Variants in NBPF12 observed in about 807,000 individuals in gnomAD.
NBPF12 encodes the protein NBPF member 12.
A neutral mutation model predicts 146.4 loss-of-function variants in NBPF12; 115 were observed. The observed-to-expected ratio is 0.79, with a 90% confidence interval of 0.68 to 0.92. NBPF12 has a LOEUF of 0.92. NBPF12 is among the 40% of genes least tolerant of loss of function. The pLI is 0.00. For synonymous variants in NBPF12, 385 were observed against 508.9 expected (o/e 0.76, Z 3.28); for missense variants, 1,205 against 1,326.8 (o/e 0.91, Z 1.43).
At chr1:146,961,074 AG>A (rs1465074173) in intron 4 of NBPF12, among the ~76,000 whole-genome samples, 4 of 152,132 alleles carry the variant, frequency 2.6e-5, no homozygotes, top group African/African-American at 9.7e-5. Context: ...TGAACCCAGC[AG>A]GCAGGTGTTG....
At chr1:146,978,593 G>A (rs1308206521) in intron 18 of NBPF12, among the ~76,000 whole-genome samples, 1 of 151,888 alleles carries the variant, frequency 6.6e-6, no homozygotes, top group Non-Finnish European at 1.5e-5. Context: ...ATGTATAGAT[G>A]CCTCTAAACA....
At chr1:146,962,364 A>G (rs1655905274) in intron 5 of NBPF12, 101 bp downstream of exon 8, 1 of 990,040 alleles carries the variant, frequency 1.0e-6, no homozygotes, top group Non-Finnish European at 1.6e-6. Context: ...GGCCAGGGAA[A>G]GGGCAGAAAT....
intron 1 of NBPF12, among the ~76,000 whole-genome samples, chr1:146,942,803 C>G (rs1242117654): frequency 6.1e-5 from 9 of 147,830 alleles, no homozygotes; most frequent in Non-Finnish European, 1.2e-4. Flanking sequence ...TCCAAAGAAG[C>G]ATTAACTACG....
intron 23 of NBPF12, among the ~76,000 whole-genome samples, chr1:146,986,119 T>C (rs1450694252): frequency 2.0e-5 from 3 of 151,738 alleles, no homozygotes; most frequent in Non-Finnish European, 2.9e-5. Flanking sequence ...ACCCGGCCAA[T>C]TCGCTGAGCT....
intron 18 of NBPF12, among the ~76,000 whole-genome samples, chr1:146,978,603 A>T (rs1379090737): frequency 7.2e-5 from 11 of 152,048 alleles, no homozygotes; most frequent in African/African-American, 2.7e-4. Context: ...GCCTCTAAAC[A>T]TTTTATGTCC....
rs1262044102 is a variant in NBPF12, at chr1:146,939,398, C to T, written c.-822+416C>T. Among the ~76,000 whole-genome samples, 40 of 152,098 alleles carry T rather than the reference C, an allele frequency of 2.6e-4. No individual in the cohort carries two copies. In the South Asian group the frequency reaches 6.9e-3, roughly 26 times the overall value. On this transcript the variant is annotated intron_variant, in intron 1 of 35. Coordinates refer to the NBPF12 transcript ENST00000617931. ...CAAAGTTGGGGTCTTTATTGGCCTC[C>T]GGGATTCTGCTCCTGGCGGTGTCTC...
intron 10 of NBPF12, 66 bp downstream of exon 13, chr1:146,968,616 G>A (rs1398368930): frequency 2.2e-5 from 32 of 1,472,376 alleles, no homozygotes; most frequent in Middle Eastern, 2.4e-4. Context: ...CAACAGCTCG[G>A]TGGGGAGACT....
At chr1:146,991,447 G>A (rs1381292130) in intron 30 of NBPF12, among the ~76,000 whole-genome samples, 162 bp downstream of exon 33, 3 of 151,940 alleles carry the variant, frequency 2.0e-5, no homozygotes, top group Admixed American at 6.6e-5. Flanking sequence ...TCAGCTGGAA[G>A]CCTAGACATG....
intron 14 of NBPF12, among the ~76,000 whole-genome samples, chr1:146,973,580 G>C (rs1392859273): frequency 6.7e-6 from 1 of 149,250 alleles, no homozygotes; most frequent in Non-Finnish European, 1.5e-5. Flanking sequence ...ACGAGGTCAG[G>C]AGTTTGAGAC....
intron 19 of NBPF12, among the ~76,000 whole-genome samples, chr1:146,981,290 A>ATATATAT (rs1264698070): frequency 2.9e-4 from 31 of 107,676 alleles, no homozygotes; most frequent in Middle Eastern, 4.5e-3. Context: ...AAAAAAAAAA[A>ATATATAT]AAAAATATAT....
chr1:146,940,535 G>A (rs1404565856), intron 1 of NBPF12, among the ~76,000 whole-genome samples: 9 of 145,230 alleles, frequency 6.2e-5, no homozygotes, highest in African/African-American at 2.3e-4. Context: ...TGGCCTGGAT[G>A]GCAGAGTGCA....
chr1:146,965,667 C>T (rs1656144784), intron 8 of NBPF12, among the ~76,000 whole-genome samples: 1 of 149,598 alleles, frequency 6.7e-6, no homozygotes, highest in Non-Finnish European at 1.5e-5. Flanking sequence ...TGGTGGGCAC[C>T]TGTAGTCCCA....
At chr1:146,973,183 A>G (rs1656767408) in intron 14 of NBPF12, among the ~76,000 whole-genome samples, 4 of 134,298 alleles carry the variant, frequency 3.0e-5, no homozygotes. Context: ...CTAGAATTAA[A>G]CTGCCATTTA....
chr1:146,946,473 A>G (rs1419160038), upstream of NBPF12, among the ~76,000 whole-genome samples: 1 of 120,950 alleles, frequency 8.3e-6, no homozygotes, highest in African/African-American at 3.2e-5. Context: ...CTTATTTGCC[A>G]TCTGTATATC....
intron 4 of NBPF12, among the ~76,000 whole-genome samples, 167 bp downstream of exon 7, chr1:146,960,485 A>G (rs1655779367): frequency 6.6e-6 from 1 of 151,906 alleles, no homozygotes; most frequent in Admixed American, 6.6e-5. Context: ...CAGAGGTACC[A>G]AAGTATTTAG....
chr1:146,961,471 T>C (rs2101845513), intron 4 of NBPF12, among the ~76,000 whole-genome samples: 1 of 152,102 alleles, frequency 6.6e-6, no homozygotes, highest in East Asian at 1.9e-4. Context: ...GAACATTAAT[T>C]GGCACAGTGT....
At chr1:146,966,558 C>A (rs1553885662) in exon 9 of NBPF12, 2 of 1,401,538 alleles carry the variant, frequency 1.4e-6, no homozygotes, top group East Asian at 4.6e-5. Context: ...TTCTAGAAAT[C>A]AATGAGAAGT....
At position 146,975,891 on chromosome 1, in the gene NBPF12, G is replaced by T; in HGVS notation, c.2119G>T (p.Glu707Ter). The change falls in exon 16 of 34, where the codon GAA (glutamate) becomes TAA (stop). Residue 707 changes from glutamate (E) to a stop codon, truncating the protein, a stop_gained and splice_region_variant. Transcript: ENST00000617844. LOFTEE classifies it high-confidence loss of function. The stretch of plus-strand genomic sequence containing the variant: ...ACACCTTGTCCAAAAGCTCAGCCCA[G>T]GTAAGGTGGCCATAGGCCCTGATGA... The T allele has an allele frequency of 6.2e-7, 1 of 1,610,502 alleles. No individual in the cohort carries two copies. The highest frequency in any genetic ancestry group is 8.5e-7 in the Non-Finnish European group (1 of 1,179,744).
Position 146,950,798 on chromosome 1 carries a change from TG to T in NBPF12, c.-325-549del, listed in dbSNP as rs1328913129. On this transcript the variant is annotated intron_variant, in intron 1 of 33. Coordinates refer to ENST00000617844, the Ensembl canonical transcript of NBPF12. ...ATTGATAGATATTTGAATACAAGAA[TG>T]TATCCATTCTTGTATTGATAGATAT... is the stretch of plus-strand genomic sequence containing the variant. 2.6e-5 allele frequency among the ~76,000 whole-genome samples: 4 copies of T among 152,240 alleles called. No individual in the cohort carries two copies. In the East Asian group the frequency reaches 5.8e-4, roughly 22 times the overall value.
Sources: allele counts gnomAD v4.1 joint callset (sites outside exome capture counted in the v4.1 genomes callset), GRCh38; gene constraint gnomAD v4.1.1; transcripts MANE v1.5; gene names NCBI Gene and HGNC (gene_info 2026-07-23, HGNC 2026-07-21).